COX6C: variants seen among roughly 807,000 people sequenced by gnomAD.
COX6C encodes the protein cytochrome c oxidase polypeptide VIc.
Under a neutral mutation model 6.9 loss-of-function variants are expected in COX6C, and 3 were observed. The ratio of observed to expected loss-of-function variants is 0.43; its 90% CI spans 0.20 to 1.12. The LOEUF (loss-of-function observed/expected upper bound fraction) is 1.12, where lower values mean the gene tolerates loss of function less well. Ranked by LOEUF, COX6C falls within the 50% of genes most tolerant of loss-of-function variation. COX6C has a pLI of 0.27. For missense variants in COX6C, 101 were observed against 97.3 expected (o/e 1.04, Z -0.16); for synonymous variants, 32 against 32.0 (o/e 1.00, Z 0.00).
intron 1 of COX6C, 35 bp from the exon 2 acceptor site, chr8:99,892,087 GTTTA>G (rs1818063126): frequency 7.7e-7 from 1 of 1,292,158 alleles, no homozygotes; most frequent in Non-Finnish European, 1.1e-6. Flanking sequence ...TAAGTACAGA[GTTTA>G]TTTAAGCCAC....
intron 3 of COX6C, among the ~76,000 whole-genome samples, chr8:99,881,602 T>C (rs1005603548): frequency 3.9e-5 from 6 of 152,182 alleles, no homozygotes; most frequent in African/African-American, 1.4e-4. Flanking sequence ...GCATATTTCA[T>C]GTAATCCCCA....
At chr8:99,879,535 T>C (rs1326186257) in intron 3 of COX6C, among the ~76,000 whole-genome samples, 2 of 152,082 alleles carry the variant, frequency 1.3e-5, no homozygotes, top group Non-Finnish European at 2.9e-5. Context: ...AATAAACATA[T>C]GGACCAAAAA....
At chr8:99,880,068 G>A (rs1204138580) in intron 3 of COX6C, among the ~76,000 whole-genome samples, 1 of 152,176 alleles carries the variant, frequency 6.6e-6, no homozygotes, top group Non-Finnish European at 1.5e-5. Flanking sequence ...CATATGCACA[G>A]GCCCAGGGAA....
In COX6C at chr8:99,890,152, G is replaced by A. The variant is rs193058248; in HGVS notation, c.114+1756C>T. ...CTAATTTTTGTATTTTAGTAGAGAC[G>A]TAGTTTCTCCATATCGCCCAGGCTG... is the stretch of plus-strand genomic sequence containing the variant. On this transcript the variant is annotated intron_variant, in intron 2 of 3. Transcript: ENST00000520468. Among the ~76,000 whole-genome samples the A allele has an allele frequency of 6.8e-4, 104 of 151,994 alleles. 4 individuals are homozygous for A. Among genetic ancestry groups the A allele is most frequent in the Admixed American group, 6.3e-3 (96 of 15,272 alleles).
chr8:99,884,317 C>T (rs2131004907), intron 3 of COX6C, among the ~76,000 whole-genome samples: 1 of 151,890 alleles, frequency 6.6e-6, no homozygotes, highest in South Asian at 2.1e-4. Flanking sequence ...TTTCTACACA[C>T]CAACAATGAA....
At chr8:99,887,318 T>G (rs1817957032) in intron 3 of COX6C, 172 bp downstream of exon 3, 1 of 461,042 alleles carries the variant, frequency 2.2e-6, no homozygotes, top group Admixed American at 4.1e-5. Flanking sequence ...TTATTGCTCA[T>G]GTGGACAAAG....
At chr8:99,880,920 A>G (rs1038901158) in intron 3 of COX6C, among the ~76,000 whole-genome samples, 40 of 152,220 alleles carry the variant, frequency 2.6e-4, no homozygotes, top group African/African-American at 8.7e-4. Context: ...CAGATAAAAA[A>G]GTCAAAGGAG....
chr8:99,892,091 A>G, intron 1 of COX6C, 39 bp from the exon 2 acceptor site: 1 of 1,262,016 alleles, frequency 7.9e-7, no homozygotes, highest in African/African-American at 1.5e-5. Flanking sequence ...TACAGAGTTT[A>G]TTTAAGCCAC....
At chr8:99,890,602 T>G (rs1456071749) in intron 2 of COX6C, among the ~76,000 whole-genome samples, 1 of 152,244 alleles carries the variant, frequency 6.6e-6, no homozygotes, top group Non-Finnish European at 1.5e-5. Context: ...AAAGACATGG[T>G]ACCTGCCTTA....
chr8:99,888,487 C>G (rs1272158542), intron 2 of COX6C, among the ~76,000 whole-genome samples: 1 of 152,110 alleles, frequency 6.6e-6, no homozygotes, highest in Admixed American at 6.5e-5. Context: ...AGGAGAATTG[C>G]TTGAACCTGG....
intron 3 of COX6C, chr8:99,887,025 G>C (rs1230351573): frequency 6.6e-6 from 1 of 152,266 alleles, no homozygotes; most frequent in East Asian, 1.9e-4. Context: ...GTTACATTCT[G>C]ATAAAACCAT....
At chr8:99,883,020 T>C (rs986251595) in intron 3 of COX6C, among the ~76,000 whole-genome samples, 4 of 152,148 alleles carry the variant, frequency 2.6e-5, no homozygotes, top group African/African-American at 9.7e-5. Flanking sequence ...ACTCCTGGGC[T>C]CAAGCAATTC....
chr8:99,889,627 A>G (rs1428014499), intron 2 of COX6C, among the ~76,000 whole-genome samples: 2 of 151,232 alleles, frequency 1.3e-5, no homozygotes, highest in Non-Finnish European at 2.9e-5. Flanking sequence ...ACCTCAGGTG[A>G]TCTGCCCGCC....
chr8:99,888,198 T>C (rs1375667615), intron 2 of COX6C, among the ~76,000 whole-genome samples: 3 of 151,948 alleles, frequency 2.0e-5, no homozygotes, highest in South Asian at 4.1e-4. Context: ...CTTGATGGAG[T>C]AACGCAGTAA....
In COX6C at chr8:99,891,976, C is replaced by G; in HGVS notation, c.46G>C (p.Ala16Pro). Residue 16 changes from alanine to proline, a missense_variant, in exon 2 of 4, where the codon GCC (alanine) becomes CCC (proline). Coordinates refer to ENST00000520468, the MANE Select transcript of COX6C (RefSeq NM_004374.4). ...LPKPRMRGLLARRLRNHMAVA... is the reference protein window; with the variant it reads ...LPKPRMRGLLPRRLRNHMAVA... ...GCCATATGATTTCGCAGACGCCTGG[C>G]CAGAAGGCCACGCATCCGAGGTTTT... 2 of 1,613,820 alleles carry G rather than the reference C, an allele frequency of 1.2e-6. No individual in the cohort carries two copies. The highest frequency in any genetic ancestry group is 1.7e-6 in the Non-Finnish European group (2 of 1,179,962).
chr8:99,889,313 A>G (rs368720872), intron 2 of COX6C, among the ~76,000 whole-genome samples: 3 of 151,270 alleles, frequency 2.0e-5, no homozygotes, highest in African/African-American at 7.3e-5. Context: ...TTTTTGAGAC[A>G]AAGTCTGGCT....
rs140413547 is a variant in COX6C, at chr8:99,887,586, G to T, written c.147C>A (p.Tyr49Ter). ...CATCGTAGTTTCTGTAGAAATCTGC[G>T]TATGCCTTCTTTCTTTGATCAGCCA... Reference protein sequence around the residue: ...FRVADQRKKAYADFYRNYDVM... With the variant: ...FRVADQRKKA The change falls in exon 3 of 4, where the codon TAC (tyrosine) becomes TAA (stop). Residue 49 changes from tyrosine to a stop codon, truncating the protein, a stop_gained. Transcript: ENST00000520468. LOFTEE classifies it high-confidence loss of function. The T allele has an allele frequency of 6.2e-7, 1 of 1,606,672 alleles. No individual in the cohort carries two copies. The highest frequency in any genetic ancestry group is 2.2e-5 in the East Asian group (1 of 44,608).
chr8:99,889,358 C>A (rs1194489866), intron 2 of COX6C, among the ~76,000 whole-genome samples: 1 of 150,296 alleles, frequency 6.7e-6, no homozygotes. Flanking sequence ...GGCACGATCT[C>A]GGCTCACTGC....
intron 2 of COX6C, among the ~76,000 whole-genome samples, chr8:99,890,590 C>G (rs916280788): frequency 6.6e-6 from 1 of 152,078 alleles, no homozygotes; most frequent in Admixed American, 6.5e-5. Flanking sequence ...CCACAGTAAA[C>G]AAAAGACATG....
Sources: gnomAD v4.1 joint callset for allele counts (sites outside exome capture counted in the v4.1 genomes callset) on GRCh38, gnomAD v4.1.1 for gene constraint, MANE v1.5 for transcripts, NCBI Gene and HGNC (gene_info 2026-07-23, HGNC 2026-07-21) for gene names.